SNTG1: variants seen among roughly 807,000 people sequenced by gnomAD.
SNTG1 encodes gamma-1-syntrophin.
SNTG1 carries 39 observed loss-of-function variants against 74.7 expected under a neutral mutation model. The observed-to-expected ratio is 0.52, with a 90% confidence interval of 0.40 to 0.68. The LOEUF (loss-of-function observed/expected upper bound fraction) is 0.68. SNTG1 is among the 30% of genes least tolerant of loss of function. SNTG1 has a pLI of 0.00. For synonymous variants in SNTG1, 254 were observed against 217.1 expected (o/e 1.17, Z -1.49); for missense variants, 685 against 609.5 (o/e 1.12, Z -1.30).
At chr8:49,997,156 C>T (rs865962806) in intron 1 of SNTG1, among the ~76,000 whole-genome samples, 1 of 152,100 alleles carries the variant, frequency 6.6e-6, no homozygotes, top group African/African-American at 2.4e-5. Context: ...TCTAAATGAA[C>T]ACTGAGGAAT....
At chr8:50,245,014 T>G (rs563861286) in intron 2 of SNTG1, among the ~76,000 whole-genome samples, 20 of 152,338 alleles carry the variant, frequency 1.3e-4, no homozygotes, top group African/African-American at 3.1e-4. Context: ...TCCATTATCA[T>G]TCTTGCAACA....
In SNTG1 at chr8:50,612,201, A is replaced by C. The variant is rs16915085; in HGVS notation, c.849+21284A>C. Among the ~76,000 whole-genome samples, 1,204 of 152,334 alleles carry C rather than the reference A, an allele frequency of 7.9e-3. 12 individuals carry two copies. The highest frequency in any genetic ancestry group is 0.027 in the African/African-American group (1,103 of 41,578). On this transcript the variant is annotated intron_variant, in intron 13 of 18. Coordinates refer to ENST00000642720, the MANE Select transcript of SNTG1 (RefSeq NM_018967.5). ...ACCTTGTCAACCTTTGTGCTTTCTA[A>C]GAGTTTTTGAAAACCTTTATCTCCA...
intron 2 of SNTG1, among the ~76,000 whole-genome samples, chr8:50,228,665 G>T (rs574894368): frequency 6.6e-6 from 1 of 151,888 alleles, no homozygotes; most frequent in Non-Finnish European, 1.5e-5. Flanking sequence ...CTGACTTACC[G>T]TTCTCTATGT....
intron 16 of SNTG1, among the ~76,000 whole-genome samples, chr8:50,706,026 A>G (rs1019956753): frequency 2.0e-5 from 3 of 152,198 alleles, no homozygotes; most frequent in African/African-American, 4.8e-5. Flanking sequence ...GGATACATAT[A>G]TTTTGAACAT....
intron 2 of SNTG1, among the ~76,000 whole-genome samples, chr8:50,390,101 G>A (rs2092634887): frequency 1.3e-5 from 2 of 151,196 alleles, no homozygotes; most frequent in Admixed American, 1.3e-4. Context: ...GATCCCATTT[G>A]TCAATTTTGG....
chr8:50,547,671 G>T (rs1204828505), intron 11 of SNTG1, among the ~76,000 whole-genome samples: 1 of 151,944 alleles, frequency 6.6e-6, no homozygotes, highest in Admixed American at 6.6e-5. Flanking sequence ...CTGGAAAACT[G>T]AACAATAAAA....
intron 8 of SNTG1, among the ~76,000 whole-genome samples, chr8:50,467,443 C>T (rs2093617589): frequency 6.6e-6 from 1 of 151,758 alleles, no homozygotes; most frequent in South Asian, 2.1e-4. Context: ...CACAGTGTTC[C>T]TCTATTAGCC....
At chr8:49,954,067 A>C (rs1809955404) in intron 1 of SNTG1, among the ~76,000 whole-genome samples, 1 of 152,210 alleles carries the variant, frequency 6.6e-6, no homozygotes, top group South Asian at 2.1e-4. Context: ...AAATTGTAGA[A>C]GACAAGATTA....
intron 2 of SNTG1, among the ~76,000 whole-genome samples, chr8:50,215,463 AAT>A (rs921886799): frequency 1.5e-4 from 22 of 146,204 alleles, no homozygotes; most frequent in Non-Finnish European, 2.4e-4. Flanking sequence ...CTCTCTATAT[AAT>A]ATATATATAT....
intron 18 of SNTG1, among the ~76,000 whole-genome samples, chr8:50,783,139 T>A (rs934750892): frequency 1.3e-5 from 2 of 151,924 alleles, no homozygotes; most frequent in Non-Finnish European, 2.9e-5. Flanking sequence ...TGCTCGGGGG[T>A]CAGGGGTCAG....
intron 1 of SNTG1, among the ~76,000 whole-genome samples, chr8:50,126,222 G>A (rs548255473): frequency 2.0e-4 from 31 of 152,160 alleles, no homozygotes; most frequent in Admixed American, 1.7e-3. Flanking sequence ...AAAGGGCCAC[G>A]TGACTAAATT....
chr8:50,528,919 A>G (rs2094244035), intron 9 of SNTG1, among the ~76,000 whole-genome samples: 1 of 147,510 alleles, frequency 6.8e-6, no homozygotes, highest in Non-Finnish European at 1.5e-5. Context: ...TCCCAGTTTT[A>G]TTTTTATTTT....
intron 1 of SNTG1, among the ~76,000 whole-genome samples, chr8:50,101,803 G>A (rs1262821860): frequency 1.3e-5 from 2 of 151,600 alleles, no homozygotes; most frequent in East Asian, 3.9e-4. Flanking sequence ...GTGAGAACAT[G>A]CGGTGTTTGG....
At chr8:50,019,100 C>T (rs554859163) in intron 1 of SNTG1, among the ~76,000 whole-genome samples, 2 of 152,026 alleles carry the variant, frequency 1.3e-5, no homozygotes, top group East Asian at 1.9e-4. Context: ...ATTGCTAATA[C>T]GTGTGGGAAT....
chr8:50,131,381 G>T (rs569466136), intron 1 of SNTG1, among the ~76,000 whole-genome samples: 5 of 152,168 alleles, frequency 3.3e-5, no homozygotes, highest in African/African-American at 7.2e-5. Context: ...ATTAAGTTTT[G>T]TTATATGTAT....
At chr8:50,694,579 T>G (rs1399391381) in intron 15 of SNTG1, among the ~76,000 whole-genome samples, 1 of 152,064 alleles carries the variant, frequency 6.6e-6, no homozygotes, top group Non-Finnish European at 1.5e-5. Context: ...TCCAAACTCT[T>G]TTTATGAGGA....
In SNTG1 at chr8:50,491,694, CTTATTTATTTATTTAT is replaced by C. The variant is rs113358818; in HGVS notation, c.364-11057_364-11042del. ...GCAAATGCTGTGCTGTGATCCAGAA[CTTATTTATTTATTTAT>C]TTATTTATTTATTTATTTATTTATT... On this transcript the variant is annotated intron_variant, in intron 8 of 18. Coordinates refer to ENST00000642720, the MANE Select transcript of SNTG1 (RefSeq NM_018967.5). Among the ~76,000 whole-genome samples the C allele has an allele frequency of 4.3e-4, 64 of 150,502 alleles. 1 individual carries two copies. The highest frequency in any genetic ancestry group is 1.3e-3 in the African/African-American group (52 of 40,938).
intron 16 of SNTG1, chr8:50,708,666 C>T (rs911513653): frequency 2.3e-5 from 12 of 514,906 alleles, no homozygotes; most frequent in East Asian, 1.8e-4. Flanking sequence ...ATTGGAAACT[C>T]GGCGGGGCAT....
intron 1 of SNTG1, among the ~76,000 whole-genome samples, chr8:50,078,903 G>A (rs1822146483): frequency 6.6e-6 from 1 of 152,078 alleles, no homozygotes; most frequent in Non-Finnish European, 1.5e-5. Flanking sequence ...CATTTTTTAT[G>A]GCTGCATAGT....
Sources: gnomAD v4.1 joint callset for allele counts (sites outside exome capture counted in the v4.1 genomes callset) on GRCh38, gnomAD v4.1.1 for gene constraint, MANE v1.5 for transcripts, NCBI Gene and HGNC (gene_info 2026-07-23, HGNC 2026-07-21) for gene names.